Variants in DUSP9 observed in about 807,000 individuals in gnomAD.
The protein encoded by DUSP9 is dual specificity phosphatase 9.
Under a neutral mutation model 13.2 loss-of-function variants are expected in DUSP9, and 4 were observed. The ratio of observed to expected loss-of-function variants is 0.30; its 90% CI spans 0.15 to 0.69. The LOEUF is 0.69. Among genes scored for constraint, DUSP9 ranks in the 30% least tolerant of loss-of-function variants. DUSP9 has a pLI of 0.73. For missense variants in DUSP9, 263 were observed against 355.0 expected (o/e 0.74, Z 2.08); for synonymous variants, 166 against 172.3 (o/e 0.96, Z 0.29).
rs891183114 is a variant in DUSP9, at chrX:153,651,323, C to G, written c.*1018C>G. ...CTGAATAAACAGTTTATTTAAGATACTGAGTAGAGAGAGAAGCTACCTCCT... is the reference window on the plus strand; with the variant it reads ...CTGAATAAACAGTTTATTTAAGATAGTGAGTAGAGAGAGAAGCTACCTCCT... On this transcript the variant is annotated 3_prime_UTR_variant, in exon 4 of 4. Coordinates refer to ENST00000342782, the MANE Select transcript of DUSP9 (RefSeq NM_001318503.2). The G allele has an allele frequency of 8.9e-6, 1 of 112,189 alleles. No individual in the cohort carries two copies. The highest frequency in any genetic ancestry group is 1.9e-5 in the Non-Finnish European group (1 of 53,169). 9.2% of individuals were successfully genotyped at this position (112,189 alleles called of 1,213,427 possible). A position where few individuals can be genotyped will look rare whatever the true frequency, so the allele number is the denominator to read the frequency against.
In DUSP9 at chrX:153,650,427, C is replaced by T; in HGVS notation, c.*122C>T. The T allele has an allele frequency of 3.8e-6, 2 of 522,936 alleles. No individual in the cohort carries two copies. Among genetic ancestry groups the T allele is most frequent in the South Asian group, 3.1e-5 (1 of 31,823 alleles). 43.1% of individuals were successfully genotyped at this position (522,936 alleles called of 1,213,427 possible). On this transcript the variant is annotated 3_prime_UTR_variant, in exon 4 of 4. Coordinates refer to ENST00000342782, the MANE Select transcript of DUSP9 (RefSeq NM_001318503.2). ...CCTGAGCAGGGTGCTGGGGGGAGAG[C>T]GCAATACCTCACGCGGGCTGCCGTC...
chrX:153,648,036 G>A lies in DUSP9; in HGVS notation c.83G>A (p.Arg28His). 1 of 1,086,981 alleles carries A rather than the reference G, an allele frequency of 9.2e-7. No homozygotes were observed. The highest frequency in any genetic ancestry group is 3.6e-5 in the Admixed American group (1 of 27,626). 89.6% of individuals were successfully genotyped at this position (1,086,981 alleles called of 1,213,427 possible). The stretch of plus-strand genomic sequence containing the variant: ...CCGCGGCTCCTGCTCCTGGACTGCC[G>A]CAGCCGCGAGCTGTACGAGTCGGCG... ...PRPRLLLLDC[R>H]SRELYESARI... is the part of the protein sequence containing the mutation. The change falls in exon 2 of 4, where the codon CGC becomes CAC. Residue 28 changes from arginine (R) to histidine (H), a missense_variant. Transcript: ENST00000342782.
At chrX:153,646,464 G>A (rs2091188332), upstream of DUSP9, among the ~76,000 whole-genome samples, 1 of 112,167 alleles carries the variant, frequency 8.9e-6, no homozygotes, top group South Asian at 3.7e-4. Context: ...CAAGGGACAG[G>A]GGAGAGAGGC....
chrX:153,644,909 G>A (rs1465502183), upstream of DUSP9, among the ~76,000 whole-genome samples: 4 of 112,775 alleles, frequency 3.5e-5, no homozygotes, highest in Non-Finnish European at 3.8e-5. Context: ...AGCCCCCACG[G>A]CAGGGCGGGC....
upstream of DUSP9, among the ~76,000 whole-genome samples, chrX:153,642,862 C>G (rs782307856): frequency 1.8e-5 from 2 of 109,634 alleles, no homozygotes; most frequent in East Asian, 5.8e-4. Context: ...CCACGCACCA[C>G]AGACCCGGGT....
upstream of DUSP9, among the ~76,000 whole-genome samples, chrX:153,644,156 G>A (rs782378271): frequency 9.1e-6 from 1 of 109,520 alleles, no homozygotes; most frequent in East Asian, 2.9e-4. Context: ...AAGGCGGCGC[G>A]GCGCCGCTCT....
chrX:153,647,950 GC>G lies in DUSP9; in HGVS notation c.-1del. 9.5e-7 allele frequency: 1 copy of G among 1,048,550 alleles called. No individual in the cohort carries two copies. Among genetic ancestry groups the G allele is most frequent in the Middle Eastern group, 3.8e-4 (1 of 2,641 alleles). 86.4% of individuals were successfully genotyped at this position (1,048,550 alleles called of 1,213,427 possible). A position where few individuals can be genotyped will look rare whatever the true frequency, so the allele number is the denominator to read the frequency against. Reference sequence around the variant, plus strand: ...TGGTCCAGCGTGTAGGGAGCCGATCGCCCATGGAGGGTCTGGGCCGCTCGTG... The same window carrying G: ...TGGTCCAGCGTGTAGGGAGCCGATCGCCATGGAGGGTCTGGGCCGCTCGTG... On this transcript the variant is annotated 5_prime_UTR_variant, in exon 2 of 4. Transcript: ENST00000342782.
At chrX:153,649,180 C>G in intron 2 of DUSP9, 52 bp from the exon 3 acceptor site, 1 of 1,147,837 alleles carries the variant, frequency 8.7e-7, no homozygotes, top group East Asian at 3.0e-5. Context: ...GACAGAGGCA[C>G]TTGGCTGCCC....
At position 153,649,998 on chromosome X, in the gene DUSP9, A is replaced by C; in HGVS notation, c.848A>C (p.Asn283Thr). The C allele has an allele frequency of 8.3e-7, 1 of 1,209,619 alleles. No individual in the cohort carries two copies. Among genetic ancestry groups the C allele is most frequent in the East Asian group, 3.0e-5 (1 of 33,761 alleles). Residue 283 changes from asparagine (N) to threonine (T), a missense_variant, in exon 4 of 4, where the codon AAC becomes ACC. Coordinates refer to ENST00000342782, the MANE Select transcript of DUSP9 (RefSeq NM_001318503.2). ...IEFIDEALSQ[N>T]CGVLVHCLAG... ...CATCTAGATGAGGCCTTGTCCCAGA[A>C]CTGCGGGGTGCTCGTCCACTGCTTG...
In DUSP9 at chrX:153,650,296, C is replaced by G; in HGVS notation, c.1146C>G (p.Ala382=). 1 of 1,186,565 alleles carries G rather than the reference C, an allele frequency of 8.4e-7. No homozygotes were observed. The highest frequency in any genetic ancestry group is 1.7e-5 in the African/African-American group (1 of 57,475). The change falls in exon 4 of 4, where the codon GCC becomes GCG. Residue 382 remains alanine (A), a synonymous_variant. Coordinates refer to ENST00000342782, the MANE Select transcript of DUSP9 (RefSeq NM_001318503.2). ...CCAGTGATGGCGCCTTCGAGCTGGCCCCCACCTAGGGCCCCGTGGCCGGCA... is the reference window on the plus strand; with the variant it reads ...CCAGTGATGGCGCCTTCGAGCTGGCGCCCACCTAGGGCCCCGTGGCCGGCA... ...TPTSDGAFEL[A]PT
chrX:153,649,427 A>G lies in DUSP9; in HGVS notation c.569A>G (p.Glu190Gly), dbSNP rs1557036092. 9 of 1,211,473 alleles carry G rather than the reference A, an allele frequency of 7.4e-6. No individual in the cohort carries two copies. The highest frequency in any genetic ancestry group is 7.8e-6 in the Non-Finnish European group (7 of 895,490). The change falls in exon 3 of 4, where the codon GAG becomes GGG. Residue 190 changes from glutamate (E) to glycine (G), a missense_variant. Transcript: ENST00000342782. ...RDSMSCGLDS[E>G]GATPPPVGLR... ...TCCATGAGCTGTGGCCTGGATTCGG[A>G]GGGTGCCACACCCCCACCAGTGGGG...
upstream of DUSP9, among the ~76,000 whole-genome samples, chrX:153,646,012 TG>T (rs1426767212): frequency 8.8e-6 from 1 of 113,014 alleles, no homozygotes; most frequent in African/African-American, 3.2e-5. Flanking sequence ...TCCTGCAGTA[TG>T]CAGTGTTTTC....
chrX:153,646,663 G>A (rs1569537941), upstream of DUSP9, among the ~76,000 whole-genome samples: 1 of 111,291 alleles, frequency 9.0e-6, no homozygotes, highest in Admixed American at 9.5e-5. Flanking sequence ...AGTCCTGTGC[G>A]AGTGAAGCGG....
Position 153,648,226 on chromosome X carries a change from G to GGAGGCC in DUSP9, c.290_295dup (p.Ala97_Glu98dup), listed in dbSNP as rs1367604652. On this transcript the variant is annotated inframe_insertion, in exon 2 of 4. Transcript: ENST00000342782. ...AGGGCGGGGGCCGGCGCCGGCGCGG[G>GGAGGCC]GAGGCCGAGGCCGAGGCCGAGGAGT... The GGAGGCC allele has an allele frequency of 1.0e-4, 115 of 1,100,672 alleles. No individual in the cohort carries two copies. Among genetic ancestry groups the GGAGGCC allele is most frequent in the African/African-American group, 3.3e-4 (17 of 51,964 alleles). 90.7% of individuals were successfully genotyped at this position (1,100,672 alleles called of 1,213,427 possible).
rs782223705 is a variant in DUSP9 at position 153,648,915 on chromosome X, A to G, written c.374-317A>G. Among the ~76,000 whole-genome samples the G allele has an allele frequency of 2.9e-4, 32 of 112,065 alleles. 1 individual carries two copies. The highest frequency in any genetic ancestry group is 3.6e-4 in the Non-Finnish European group (19 of 53,094). ...CTGAGTTCCTCCTTTTCTTTAGCTG[A>G]TGGCCGCAGTCCTCCCTAAGGCTGG... On this transcript the variant is annotated intron_variant, in intron 2 of 3. Transcript: ENST00000342782.
chrX:153,648,001 G>C lies in DUSP9; in HGVS notation c.48G>C (p.Ser16=), dbSNP rs2091195023. The C allele has an allele frequency of 9.1e-7, 1 of 1,100,398 alleles. No individual in the cohort carries two copies. The highest frequency in any genetic ancestry group is 1.9e-5 in the African/African-American group (1 of 52,488). The allele number at this position is 1,100,398 out of a possible 1,213,427, so 90.7% of individuals were successfully genotyped here. A position where few individuals can be genotyped will look rare whatever the true frequency, so the allele number is the denominator to read the frequency against. Reference sequence around the variant, plus strand: ...GCCTGTGGCTGCGTCGGGAGCTGTCGCCCCCGCGGCCGCGGCTCCTGCTCC... The same window carrying C: ...GCCTGTGGCTGCGTCGGGAGCTGTCCCCCCCGCGGCCGCGGCTCCTGCTCC... ...RSCLWLRREL[S]PPRPRLLLLD... The change falls in exon 2 of 4, where the codon TCG becomes TCC. Residue 16 remains serine, a synonymous_variant. Transcript: ENST00000342782.
At position 153,650,074 on chromosome X, in the gene DUSP9, G is replaced by A. The variant is rs1557036257; in HGVS notation, c.924G>A (p.Lys308=). Residue 308 remains lysine (K), a synonymous_variant, in exon 4 of 4, where the codon AAG becomes AAA. Coordinates refer to ENST00000342782, the MANE Select transcript of DUSP9 (RefSeq NM_001318503.2). ...VTVTVAYLMQ[K]LHLSLNDAYD... ...TCACTGTGGCCTACCTCATGCAGAA[G>A]CTCCACCTCTCTCTCAACGATGCCT... 8.3e-7 allele frequency: 1 copy of A among 1,211,734 alleles called. No homozygotes were observed. Among genetic ancestry groups the A allele is most frequent in the Non-Finnish European group, 1.1e-6 (1 of 895,535 alleles).
At position 153,648,407 on chromosome X, in the gene DUSP9, C is replaced by T. The variant is rs782259098; in HGVS notation, c.373+81C>T. On this transcript the variant is annotated intron_variant, in intron 2 of 3. Coordinates refer to ENST00000342782, the MANE Select transcript of DUSP9 (RefSeq NM_001318503.2). ...CAGCCCCACTTCTTTTTTTCTAAAG[C>T]GAGTTGAGGCCCCCCTCCCCTGATG... 19 of 975,822 alleles carry T rather than the reference C, an allele frequency of 1.9e-5. No individual in the cohort carries two copies. The Middle Eastern group carries it at 1.2e-3, about 61-fold the overall frequency. 80.4% of individuals were successfully genotyped at this position (975,822 alleles called of 1,213,427 possible).
intron 3 of DUSP9, 48 bp downstream of exon 3, chrX:153,649,735 C>A (rs1557036180): frequency 5.8e-6 from 6 of 1,040,155 alleles, no homozygotes; most frequent in Non-Finnish European, 7.8e-6. Context: ...CCAAGGCCTG[C>A]TCTGGCCTCC....
Sources: allele counts gnomAD v4.1 joint callset (sites outside exome capture counted in the v4.1 genomes callset), GRCh38; gene constraint gnomAD v4.1.1; transcripts MANE v1.5; gene names NCBI Gene and HGNC (gene_info 2026-07-23, HGNC 2026-07-21).